The following TLL2 variants were observed in gnomAD, a reference collection of about 807,000 sequenced individuals.
TLL2 encodes the protein tolloid-like protein 2.
A neutral mutation model predicts 123.0 loss-of-function variants in TLL2; 106 were observed. That is an observed-to-expected ratio of 0.86 (90% confidence interval 0.74 to 1.01). The LOEUF (loss-of-function observed/expected upper bound fraction) is 1.01, where lower values mean the gene tolerates loss of function less well. TLL2 is among the 50% of genes least tolerant of loss of function. TLL2 has a pLI of 0.00. For synonymous variants in TLL2, 494 were observed against 516.8 expected, an observed-to-expected ratio of 0.96 and a Z score of 0.60; for missense variants, 1,332 against 1,336.7, an observed-to-expected ratio of 1.00 and a Z score of 0.06.
rs1453342977 is a variant in TLL2 at position 96,396,032 on chromosome 10, G to C, written c.1385-12C>G. ...TCCCCCGCAGGTAGCTTTAGAAAGAGACATCAGGAGAGGAAGACGGGGGCC... is the reference window on the plus strand; with the variant it reads ...TCCCCCGCAGGTAGCTTTAGAAAGACACATCAGGAGAGGAAGACGGGGGCC... On this transcript the variant is annotated splice_polypyrimidine_tract_variant and intron_variant, in intron 11 of 20. Coordinates refer to ENST00000357947, the MANE Select transcript of TLL2 (RefSeq NM_012465.4). 1 of 1,613,472 alleles carries C rather than the reference G, an allele frequency of 6.2e-7. No individual in the cohort carries two copies. The highest frequency in any genetic ancestry group is 8.5e-7 in the Non-Finnish European group (1 of 1,179,648).
chr10:96,472,037 G>C (rs1487929307), intron 2 of TLL2, among the ~76,000 whole-genome samples: 1 of 152,086 alleles, frequency 6.6e-6, no homozygotes, highest in Non-Finnish European at 1.5e-5. Context: ...TTCTTCTCTG[G>C]ACCCCCTCCT....
At chr10:96,438,246 A>T (rs1846816193) in intron 3 of TLL2, among the ~76,000 whole-genome samples, 1 of 152,248 alleles carries the variant, frequency 6.6e-6, no homozygotes, top group Non-Finnish European at 1.5e-5. Context: ...CCAGGGATGC[A>T]GCATATCTCT....
At chr10:96,491,622 A>C (rs10882803) in intron 1 of TLL2, among the ~76,000 whole-genome samples, 60,172 of 152,050 alleles carry the variant, frequency 0.4, 12,358 homozygotes, top group East Asian at 0.73. Flanking sequence ...AATTAGTCAA[A>C]TACAGTTTTA....
rs1438558427 is a variant in TLL2, at chr10:96,365,743, T to C, written c.*2345A>G. 1 of 152,220 alleles carries C rather than the reference T, an allele frequency of 6.6e-6. No homozygotes were observed. The highest frequency in any genetic ancestry group is 2.4e-5 in the African/African-American group (1 of 41,454). The allele number at this position is 152,220 out of a possible 1,614,324, so 9.4% of individuals were successfully genotyped here. ...TGTCATGCCTAAGTCCCCACAAGTG[T>C]GGGCTTCCAGAGGAGCGGCCCAGCT... On this transcript the variant is annotated 3_prime_UTR_variant, in exon 21 of 21. Coordinates refer to ENST00000357947, the MANE Select transcript of TLL2 (RefSeq NM_012465.4).
At chr10:96,377,711 G>A (rs560547928) in intron 17 of TLL2, among the ~76,000 whole-genome samples, 4 of 152,326 alleles carry the variant, frequency 2.6e-5, no homozygotes, top group Admixed American at 6.5e-5. Context: ...AGGGCCGGGG[G>A]CAGGAAGGGG....
intron 17 of TLL2, among the ~76,000 whole-genome samples, chr10:96,377,050 A>G (rs571062592): frequency 6.6e-6 from 1 of 152,136 alleles, no homozygotes; most frequent in South Asian, 2.1e-4. Flanking sequence ...CTATCTTTCT[A>G]TTCCTATCCA....
chr10:96,480,770 G>A (rs543709769), intron 1 of TLL2, among the ~76,000 whole-genome samples: 11 of 152,332 alleles, frequency 7.2e-5, no homozygotes, highest in Non-Finnish European at 1.5e-4. Context: ...CAAAAAGACA[G>A]CTGCTTCTTT....
Position 96,373,808 on chromosome 10 carries a change from G to A in TLL2, c.2450C>T (p.Thr817Ile), listed in dbSNP as rs1478799200. Residue 817 changes from threonine to isoleucine, a missense_variant and splice_region_variant, in exon 19 of 21, where the codon ACC becomes ATC. By Grantham distance (89) the Thr-to-Ile change is moderately conservative. Coordinates refer to ENST00000357947, the MANE Select transcript of TLL2 (RefSeq NM_012465.4). ...CTGCTCGATCTCAAACTCATTAAAG[G>A]TCTGGGGACAGAAGAGCAGAAAGTA... ...SSTAGHRVKL[T>I]FNEFEIEQHQ... 5 of 1,613,106 alleles carry A rather than the reference G, an allele frequency of 3.1e-6. No individual in the cohort carries two copies. In the South Asian group the frequency reaches 3.3e-5, roughly 11 times the overall value.
intron 1 of TLL2, among the ~76,000 whole-genome samples, chr10:96,488,962 C>T (rs1237976912): frequency 6.6e-6 from 1 of 152,184 alleles, no homozygotes; most frequent in Non-Finnish European, 1.5e-5. Flanking sequence ...TAGCAGAGGT[C>T]CTTCCATTAC....
In TLL2 at chr10:96,513,565, C is replaced by G; in HGVS notation, c.121G>C (p.Gly41Arg). Residue 41 changes from glycine to arginine, a missense_variant, in exon 1 of 21, where the codon GGC (glycine) becomes CGC (arginine). Gly to Arg is a moderately radical substitution (Grantham distance 125). Coordinates refer to ENST00000357947, the MANE Select transcript of TLL2 (RefSeq NM_012465.4). ...AGCTGCTGCTCCGTGCCCTCCTCGC[C>G]GTCCAGCTCTGAGTAGTCTGCGGTG... ...DATADYSELD[G>R]EEGTEQQLEH... is the part of the protein sequence containing the mutation. The G allele has an allele frequency of 6.2e-7, 1 of 1,611,700 alleles. No homozygotes were observed.
At chr10:96,487,394 C>T (rs1847367687) in intron 1 of TLL2, among the ~76,000 whole-genome samples, 1 of 151,836 alleles carries the variant, frequency 6.6e-6, no homozygotes, top group Non-Finnish European at 1.5e-5. Flanking sequence ...CACTATTTGC[C>T]CTCCCACCCC....
intron 10 of TLL2, among the ~76,000 whole-genome samples, chr10:96,398,565 C>T (rs1275675603): frequency 6.6e-6 from 1 of 152,222 alleles, no homozygotes. Flanking sequence ...CACTTGGGTG[C>T]ATGGTCTGAA....
chr10:96,487,079 C>T lies in TLL2; in HGVS notation c.176-6620G>A, dbSNP rs116839199. ...GCATGTACTTTTAAGCCAGAAAGACCTGGGTTCCAATCCCAGTGCCATCAC... is the reference window on the plus strand; with the variant it reads ...GCATGTACTTTTAAGCCAGAAAGACTTGGGTTCCAATCCCAGTGCCATCAC... On this transcript the variant is annotated intron_variant, in intron 1 of 20. Transcript: ENST00000357947. Among the ~76,000 whole-genome samples, 946 of 152,340 alleles carry T rather than the reference C, an allele frequency of 6.2e-3. 10 individuals carry two copies. The highest frequency in any genetic ancestry group is 0.022 in the African/African-American group (903 of 41,572).
intron 1 of TLL2, among the ~76,000 whole-genome samples, chr10:96,511,724 GCATA>G (rs2134119307): frequency 6.6e-6 from 1 of 152,344 alleles, no homozygotes; most frequent in Non-Finnish European, 1.5e-5. Context: ...CCAGCACCCA[GCATA>G]CTGGAGATGC....
chr10:96,405,112 A>C, intron 10 of TLL2, 120 bp downstream of exon 10: 1 of 873,680 alleles, frequency 1.1e-6, no homozygotes, highest in Non-Finnish European at 1.9e-6. Context: ...AGAGTTTTAC[A>C]ATGACAGAGG....
At chr10:96,493,811 C>A (rs1847441501) in intron 1 of TLL2, among the ~76,000 whole-genome samples, 1 of 152,192 alleles carries the variant, frequency 6.6e-6, no homozygotes, top group African/African-American at 2.4e-5. Flanking sequence ...CATTCTCATC[C>A]CCGAATCCGT....
chr10:96,383,418 G>T (rs972126025), intron 16 of TLL2, among the ~76,000 whole-genome samples: 2 of 151,968 alleles, frequency 1.3e-5, no homozygotes, highest in Non-Finnish European at 2.9e-5. Flanking sequence ...TCATGGAGGC[G>T]GTTTCCCCCA....
intron 3 of TLL2, among the ~76,000 whole-genome samples, chr10:96,444,912 A>G (rs1293086139): frequency 1.3e-5 from 2 of 152,094 alleles, no homozygotes; most frequent in Admixed American, 6.5e-5. Context: ...TTCCTTGGCC[A>G]GGTGCGGTGG....
At chr10:96,476,248 T>TTTTTTGTTGTTGTTGTTGTTG (rs1285354320) in intron 2 of TLL2, among the ~76,000 whole-genome samples, 2 of 69,230 alleles carry the variant, frequency 2.9e-5, no homozygotes, top group African/African-American at 1.2e-4. Flanking sequence ...ATATTTTATT[T>TTTTTTGTTGTTGTTGTTGTTG]TTGTTGTTGT....
Sources: gnomAD v4.1 joint callset for allele counts (sites outside exome capture counted in the v4.1 genomes callset) on GRCh38, gnomAD v4.1.1 for gene constraint, MANE v1.5 for transcripts, NCBI Gene and HGNC (gene_info 2026-07-23, HGNC 2026-07-21) for gene names.